Variants in IL17RD observed in about 807,000 individuals in gnomAD.
The protein encoded by IL17RD is interleukin-17 receptor D.
In IL17RD, 52 loss-of-function variants were observed where a neutral mutation model predicts 80.5. That is an observed-to-expected ratio of 0.65 (90% CI 0.52 to 0.81). IL17RD has a LOEUF of 0.81. Ranked by LOEUF, IL17RD falls within the 40% of genes least tolerant of loss-of-function variation. The probability of loss-of-function intolerance (pLI) is 0.00; values close to 1 mark genes in which losing one functional copy is unlikely to be tolerated. For missense variants in IL17RD, 1,024 were observed against 955.1 expected (o/e 1.07, Z -0.95); for synonymous variants, 416 against 391.8 (o/e 1.06, Z -0.73).
chr3:57,151,545 A>G (rs1431242972), intron 1 of IL17RD, among the ~76,000 whole-genome samples: 1 of 152,218 alleles, frequency 6.6e-6, no homozygotes, highest in African/African-American at 2.4e-5. Flanking sequence ...TTAAACAGAT[A>G]GGAAGCTCAA....
chr3:57,169,553 A>G (rs1423439292), upstream of IL17RD, among the ~76,000 whole-genome samples: 1 of 152,254 alleles, frequency 6.6e-6, no homozygotes, highest in Non-Finnish European at 1.5e-5. Flanking sequence ...ATAAAAAAAG[A>G]TAAAGTGATG....
chr3:57,107,587 A>T (rs1415210602), intron 5 of IL17RD, among the ~76,000 whole-genome samples: 1 of 152,166 alleles, frequency 6.6e-6, no homozygotes, highest in Non-Finnish European at 1.5e-5. Context: ...AGAAAGACTG[A>T]TCAGGAAGGC....
chr3:57,134,394 GC>G, intron 1 of IL17RD: 1 of 706,900 alleles, frequency 1.4e-6, no homozygotes, highest in South Asian at 1.5e-5. Flanking sequence ...TACAGCCAAT[GC>G]CCAAATGCCA....
intron 1 of IL17RD, among the ~76,000 whole-genome samples, chr3:57,136,840 CCT>C (rs1435603117): frequency 1.3e-5 from 2 of 151,954 alleles, no homozygotes; most frequent in Non-Finnish European, 2.9e-5. Context: ...AAACTAGACC[CCT>C]GCCTCTAGGT....
rs1056318242 is a variant in IL17RD at position 57,124,621 on chromosome 3, C to T, written c.127-4308G>A. Among the ~76,000 whole-genome samples the T allele has an allele frequency of 3.3e-4, 50 of 152,244 alleles. 1 individual carries two copies. Among genetic ancestry groups the T allele is most frequent in the Non-Finnish European group, 1.2e-4 (8 of 68,016 alleles). On this transcript the variant is annotated intron_variant, in intron 1 of 12. Coordinates refer to ENST00000296318, the MANE Select transcript of IL17RD (RefSeq NM_017563.5). ...CCCTACAGCCTCCAGAAGGAGCCAG[C>T]GCAGCCAACACTTTGATTTTGGCCA...
chr3:57,095,772 A>G lies in IL17RD; in HGVS notation c.*621T>C, dbSNP rs1490777379. ...GCCTGGCCCCGTGAGCTTCACCTCA[A>G]TCAGTCATGCCACCCAGTAACACAG... On this transcript the variant is annotated 3_prime_UTR_variant, in exon 13 of 13. Coordinates refer to ENST00000296318, the MANE Select transcript of IL17RD (RefSeq NM_017563.5). 1 of 152,744 alleles carries G rather than the reference A, an allele frequency of 6.5e-6. No individual in the cohort carries two copies. Among genetic ancestry groups the G allele is most frequent in the African/African-American group, 2.4e-5 (1 of 41,464 alleles). The allele number at this position is 152,744 out of a possible 1,614,324, so 9.5% of individuals were successfully genotyped here. A position where few individuals can be genotyped will look rare whatever the true frequency, so the allele number is the denominator to read the frequency against.
At chr3:57,109,887 T>C (rs1402280442) in intron 4 of IL17RD, among the ~76,000 whole-genome samples, 2 of 152,328 alleles carry the variant, frequency 1.3e-5, no homozygotes, top group East Asian at 3.9e-4. Flanking sequence ...ACCCATGGCT[T>C]GTTAATACTG....
At chr3:57,167,808 G>A (rs918700334), upstream of IL17RD, among the ~76,000 whole-genome samples, 2 of 152,100 alleles carry the variant, frequency 1.3e-5, no homozygotes, top group Non-Finnish European at 2.9e-5. Context: ...ATGTTCCTAT[G>A]TATTTGTTGG....
chr3:57,128,971 C>T (rs1287832263), intron 1 of IL17RD, among the ~76,000 whole-genome samples: 1 of 152,174 alleles, frequency 6.6e-6, no homozygotes, highest in East Asian at 1.9e-4. Flanking sequence ...CAGGATTGTT[C>T]CATTTTTCCA....
intron 8 of IL17RD, among the ~76,000 whole-genome samples, chr3:57,103,518 A>G (rs1216371374): frequency 6.6e-6 from 1 of 152,200 alleles, no homozygotes; most frequent in East Asian, 1.9e-4. Context: ...GTATCAGTCA[A>G]AAACCACACA....
At chr3:57,133,053 T>C (rs1316359252) in intron 1 of IL17RD, among the ~76,000 whole-genome samples, 1 of 152,180 alleles carries the variant, frequency 6.6e-6, no homozygotes. Context: ...TGACTCCTAC[T>C]CCAGCCACAG....
intron 1 of IL17RD, among the ~76,000 whole-genome samples, chr3:57,129,808 T>C (rs1707569594): frequency 6.6e-6 from 1 of 152,214 alleles, no homozygotes; most frequent in Non-Finnish European, 1.5e-5. Flanking sequence ...CAGAAAAACC[T>C]TAAAATAACA....
rs1294323057 is a variant in IL17RD at position 57,094,283 on chromosome 3, A to G, written c.*2110T>C. 6.6e-6 allele frequency: 1 copy of G among 152,216 alleles called. No individual in the cohort carries two copies. The highest frequency in any genetic ancestry group is 1.5e-5 in the Non-Finnish European group (1 of 68,040). The allele number at this position is 152,216 out of a possible 1,614,324, so 9.4% of individuals were successfully genotyped here. On this transcript the variant is annotated 3_prime_UTR_variant, in exon 13 of 13. Transcript: ENST00000296318. Reference sequence around the variant, plus strand: ...CAATTTATTCTGAGGCAATCACACTATGGTTTCATTACTCGGTATATTAAG... The same window carrying G: ...CAATTTATTCTGAGGCAATCACACTGTGGTTTCATTACTCGGTATATTAAG...
upstream of IL17RD, among the ~76,000 whole-genome samples, chr3:57,168,966 C>T (rs1333236075): frequency 2.0e-5 from 3 of 152,236 alleles, no homozygotes; most frequent in African/African-American, 7.2e-5. Context: ...GATCCACCCA[C>T]CTCGGACTTC....
intron 1 of IL17RD, among the ~76,000 whole-genome samples, chr3:57,143,336 C>T (rs1579308037): frequency 6.6e-6 from 1 of 150,984 alleles, no homozygotes; most frequent in Non-Finnish European, 1.5e-5. Context: ...TATCTCCACT[C>T]TACCTTGACA....
chr3:57,168,162 G>C (rs1386070427), upstream of IL17RD, among the ~76,000 whole-genome samples: 2 of 152,128 alleles, frequency 1.3e-5, no homozygotes, highest in Admixed American at 6.5e-5. Context: ...TTGGACTCCA[G>C]GAAAAGGAGC....
chr3:57,102,097 C>CA (rs869179995), intron 10 of IL17RD, among the ~76,000 whole-genome samples: 5 of 151,954 alleles, frequency 3.3e-5, no homozygotes, highest in African/African-American at 1.2e-4. Context: ...CCCATGACTA[C>CA]AAAAAAAATT....
chr3:57,137,173 A>G (rs1707747745), intron 1 of IL17RD, among the ~76,000 whole-genome samples: 2 of 152,240 alleles, frequency 1.3e-5, no homozygotes, highest in South Asian at 4.1e-4. Context: ...GGGATGACAC[A>G]GAGTCTTCCT....
In IL17RD at chr3:57,151,785, C is replaced by T. The variant is rs368720156; in HGVS notation, c.126+13376G>A. On this transcript the variant is annotated intron_variant, in intron 1 of 12. Coordinates refer to ENST00000296318, the MANE Select transcript of IL17RD (RefSeq NM_017563.5). Reference sequence around the variant, plus strand: ...ACCAAAAATGTCTCCAGAAATTCCCCAAATCAAGGTTAAGGCTGCAAGTAA... The same window carrying T: ...ACCAAAAATGTCTCCAGAAATTCCCTAAATCAAGGTTAAGGCTGCAAGTAA... Among the ~76,000 whole-genome samples, 5 of 152,206 alleles carry T rather than the reference C, an allele frequency of 3.3e-5. No individual in the cohort carries two copies. The East Asian group carries it at 7.7e-4, about 24-fold the overall frequency.
Sources: gnomAD v4.1 joint callset for allele counts (sites outside exome capture counted in the v4.1 genomes callset) on GRCh38, gnomAD v4.1.1 for gene constraint, MANE v1.5 for transcripts, NCBI Gene and HGNC (gene_info 2026-07-23, HGNC 2026-07-21) for gene names.